The following IL5RA variants were observed in gnomAD, a reference collection of about 807,000 sequenced individuals.
IL5RA encodes interleukin 5 receptor subunit alpha.
IL5RA carries 49 observed loss-of-function variants against 50.0 expected under a neutral mutation model. The observed-to-expected ratio is 0.98, with a 90% CI of 0.78 to 1.24. IL5RA has a LOEUF of 1.24. Ranked by LOEUF, IL5RA falls within the 50% of genes most tolerant of loss-of-function variation. IL5RA has a pLI of 0.00. For missense variants in IL5RA, 600 were observed against 500.4 expected (o/e 1.20, Z -1.90); for synonymous variants, 202 against 174.0 (o/e 1.16, Z -1.26).
chr3:3,096,005 G>A (rs1195946487), intron 7 of IL5RA, among the ~76,000 whole-genome samples: 4 of 152,192 alleles, frequency 2.6e-5, no homozygotes, highest in Non-Finnish European at 5.9e-5. Flanking sequence ...GGGGCAGGGC[G>A]TGGGGGCTCA....
At chr3:3,082,418 G>A (rs1315235039) in intron 9 of IL5RA, among the ~76,000 whole-genome samples, 1 of 152,172 alleles carries the variant, frequency 6.6e-6, no homozygotes, top group Non-Finnish European at 1.5e-5. Flanking sequence ...GTTTCAGAAA[G>A]AAGAAGTCAC....
At chr3:3,100,980 C>CAATAATAATAATAATAATAAT (rs35949387) in intron 5 of IL5RA, among the ~76,000 whole-genome samples, 1 of 141,712 alleles carries the variant, frequency 7.1e-6, no homozygotes, top group African/African-American at 2.6e-5. Flanking sequence ...AACCCCATCT[C>CAATAATAATAATAATAATAAT]AATAATAATA....
chr3:3,090,066 G>C, intron 9 of IL5RA: 1 of 727,620 alleles, frequency 1.4e-6, no homozygotes, highest in Non-Finnish European at 2.3e-6. Flanking sequence ...ATGCAGAACA[G>C]AGTTAAGCCA....
At chr3:3,104,404 T>G (rs9917765) in intron 3 of IL5RA, among the ~76,000 whole-genome samples, 22,871 of 152,224 alleles carry the variant, frequency 0.15, 1,786 homozygotes, top group East Asian at 0.21. Flanking sequence ...TAGTCACATA[T>G]GGCTAGTGGC....
rs1436500170 is a variant in IL5RA at position 3,070,193 on chromosome 3, T to A, written c.*32A>T. The A allele has an allele frequency of 7.1e-7, 1 of 1,402,850 alleles. No homozygotes were observed. The highest frequency in any genetic ancestry group is 2.3e-5 in the East Asian group (1 of 43,774). The allele number at this position is 1,402,850 out of a possible 1,614,324, so 86.9% of individuals were successfully genotyped here. On this transcript the variant is annotated 3_prime_UTR_variant, in exon 12 of 12. Transcript: ENST00000446632. The stretch of plus-strand genomic sequence containing the variant: ...CTTTTCACTGAGGCACTGAGGCATG[T>A]GTGAGTTCATCAGAGGATGCCAAAG...
intron 1 of IL5RA, 28 bp downstream of exon 1, chr3:3,109,917 G>A (rs1423119702): frequency 6.6e-6 from 1 of 152,196 alleles, no homozygotes; most frequent in Non-Finnish European, 1.5e-5. Context: ...TTACTCTGTG[G>A]TGAGTGAAGC....
In IL5RA at chr3:3,100,857, G is replaced by A. The variant is rs144701895; in HGVS notation, c.367+835C>T. 3.9e-3 allele frequency among the ~76,000 whole-genome samples: 587 copies of A among 152,096 alleles called. 3 individuals are homozygous for A. The highest frequency in any genetic ancestry group is 0.013 in the African/African-American group (544 of 41,476). On this transcript the variant is annotated intron_variant, in intron 5 of 11. Coordinates refer to ENST00000446632, the MANE Select transcript of IL5RA (RefSeq NM_175726.4). ...ATGTGGTCTAGACAAGTTATAACAA[G>A]TAAATGGGGCCGGACACGGTGGCTC...
chr3:3,074,079 T>C (rs1371805316), intron 11 of IL5RA, among the ~76,000 whole-genome samples: 1 of 152,206 alleles, frequency 6.6e-6, no homozygotes, highest in South Asian at 2.1e-4. Flanking sequence ...GCTGGAACAA[T>C]TGGAGAGCCA....
chr3:3,070,153 G>A lies in IL5RA; in HGVS notation c.*72C>T. The A allele has an allele frequency of 1.0e-6, 1 of 972,804 alleles. No individual in the cohort carries two copies. The highest frequency in any genetic ancestry group is 2.4e-5 in the East Asian group (1 of 41,144). The allele number at this position is 972,804 out of a possible 1,614,324, so 60.3% of individuals were successfully genotyped here. Reference sequence around the variant, plus strand: ...AATTCTGAACACCTCTTAGCCAAGAGCCAGCATCCCTGTTCTTTTCACTGA... The same window carrying A: ...AATTCTGAACACCTCTTAGCCAAGAACCAGCATCCCTGTTCTTTTCACTGA... On this transcript the variant is annotated 3_prime_UTR_variant, in exon 12 of 12. Coordinates refer to ENST00000446632, the MANE Select transcript of IL5RA (RefSeq NM_175726.4).
At chr3:3,070,629 C>T (rs546156282) in intron 11 of IL5RA, among the ~76,000 whole-genome samples, 20 of 134,052 alleles carry the variant, frequency 1.5e-4, no homozygotes, top group Admixed American at 5.0e-4. Flanking sequence ...GTCACCCTGG[C>T]TGGAGTACAG....
intron 9 of IL5RA, among the ~76,000 whole-genome samples, chr3:3,085,172 T>C (rs920371552): frequency 1.3e-5 from 2 of 152,240 alleles, no homozygotes; most frequent in Non-Finnish European, 2.9e-5. Context: ...CCAAGCCATC[T>C]GTCTACACAG....
chr3:3,080,060 A>G (rs1487476104), intron 9 of IL5RA, among the ~76,000 whole-genome samples: 1 of 152,146 alleles, frequency 6.6e-6, no homozygotes, highest in African/African-American at 2.4e-5. Flanking sequence ...AGAAAACAAA[A>G]GTAGTGCCTT....
chr3:3,072,244 C>T (rs1480219834), intron 11 of IL5RA, among the ~76,000 whole-genome samples: 1 of 152,250 alleles, frequency 6.6e-6, no homozygotes, highest in Non-Finnish European at 1.5e-5. Flanking sequence ...ATAGAGCCCA[C>T]AGCACCAGGC....
chr3:3,104,100 G>T (rs1016962761), intron 3 of IL5RA, among the ~76,000 whole-genome samples: 11 of 152,190 alleles, frequency 7.2e-5, no homozygotes, highest in African/African-American at 2.7e-4. Flanking sequence ...GGGCAGTGTT[G>T]TGCGATCTCA....
At chr3:3,083,681 A>G (rs1702746326) in intron 9 of IL5RA, among the ~76,000 whole-genome samples, 1 of 152,184 alleles carries the variant, frequency 6.6e-6, no homozygotes, top group African/African-American at 2.4e-5. Context: ...TATTTTATCA[A>G]CCTGCTAAAG....
At chr3:3,090,151 A>T in intron 9 of IL5RA, 1 of 1,549,502 alleles carries the variant, frequency 6.5e-7, no homozygotes, top group Non-Finnish European at 8.9e-7. Context: ...GGCAAAATAA[A>T]TAAAAATTAA....
chr3:3,074,894 G>A (rs770063193), intron 10 of IL5RA, 28 bp from the exon 11 acceptor site: 32 of 1,332,104 alleles, frequency 2.4e-5, no homozygotes, highest in Admixed American at 1.5e-4. Context: ...AAGGAATTAG[G>A]TGAGCATGAG....
chr3:3,087,794 C>A (rs1168414333), intron 9 of IL5RA, among the ~76,000 whole-genome samples: 1 of 152,174 alleles, frequency 6.6e-6, no homozygotes. Flanking sequence ...GCCTGATGGA[C>A]TCCTAGCTGA....
rs1409980149 is a variant in IL5RA at position 3,068,548 on chromosome 3, C to T, written c.*1677G>A. 1 of 139,618 alleles carries T rather than the reference C, an allele frequency of 7.2e-6. No homozygotes were observed. Among genetic ancestry groups the T allele is most frequent in the East Asian group, 2.1e-4 (1 of 4,870 alleles). The allele number at this position is 139,618 out of a possible 1,614,324, so 8.6% of individuals were successfully genotyped here. On this transcript the variant is annotated 3_prime_UTR_variant, in exon 12 of 12. Transcript: ENST00000446632. ...TAAGATCACATCACTACACTCTAGCCTGGGAGACAGAACAAGACTGTCTCC... is the reference window on the plus strand; with the variant it reads ...TAAGATCACATCACTACACTCTAGCTTGGGAGACAGAACAAGACTGTCTCC...
Sources: gnomAD v4.1 joint callset for allele counts (sites outside exome capture counted in the v4.1 genomes callset) on GRCh38, gnomAD v4.1.1 for gene constraint, MANE v1.5 for transcripts, NCBI Gene and HGNC (gene_info 2026-07-23, HGNC 2026-07-21) for gene names.